MAGI1: variants seen among roughly 807,000 people sequenced by gnomAD.
MAGI1 encodes membrane associated guanylate kinase, WW and PDZ domain containing 1.
A neutral mutation model predicts 139.9 loss-of-function variants in MAGI1; 58 were observed. The ratio of observed to expected loss-of-function variants is 0.41; its 90% confidence interval spans 0.34 to 0.52. The LOEUF is 0.52. Ranked by LOEUF, MAGI1 falls within the 20% of genes least tolerant of loss-of-function variation. The pLI is 0.12. For missense variants in MAGI1, 1,874 were observed against 1,901.6 expected (o/e 0.99, Z 0.27); for synonymous variants, 812 against 737.9 (o/e 1.10, Z -1.63).
chr3:65,629,932 A>G (rs1359864661), intron 1 of MAGI1, among the ~76,000 whole-genome samples: 2 of 152,194 alleles, frequency 1.3e-5, no homozygotes, highest in African/African-American at 4.8e-5. Flanking sequence ...AAAATGGTCA[A>G]CTTTATGTTA....
chr3:65,567,819 C>T lies in MAGI1; in HGVS notation c.430+54153G>A, dbSNP rs188776818. On this transcript the variant is annotated intron_variant, in intron 2 of 22. Coordinates refer to ENST00000402939, the MANE Select transcript of MAGI1 (RefSeq NM_001033057.2). Reference sequence around the variant, plus strand: ...CCACTGCACTCCAGCCTGGGTGACACATGGAGACTCTTTCTCCAAAAACAA... The same window carrying T: ...CCACTGCACTCCAGCCTGGGTGACATATGGAGACTCTTTCTCCAAAAACAA... 7.2e-5 allele frequency among the ~76,000 whole-genome samples: 11 copies of T among 152,102 alleles called. No homozygotes were observed. The East Asian group carries it at 1.9e-3, about 27-fold the overall frequency.
At chr3:66,037,497 T>A (rs1465450295) in intron 1 of MAGI1, among the ~76,000 whole-genome samples, 1 of 152,102 alleles carries the variant, frequency 6.6e-6, no homozygotes, top group Non-Finnish European at 1.5e-5. Flanking sequence ...GGCAGTGGTG[T>A]CCTAGCTCAC....
chr3:65,935,177 A>C (rs1023758688), intron 1 of MAGI1, among the ~76,000 whole-genome samples: 2 of 152,208 alleles, frequency 1.3e-5, no homozygotes, highest in African/African-American at 4.8e-5. Context: ...GCTAGAAAAA[A>C]CAGGCAAGAA....
At chr3:65,507,834 G>C (rs1166531106) in intron 2 of MAGI1, among the ~76,000 whole-genome samples, 1 of 152,028 alleles carries the variant, frequency 6.6e-6, no homozygotes, top group Admixed American at 6.5e-5. Flanking sequence ...AGATAGATGA[G>C]TCATAGAAAT....
intron 2 of MAGI1, among the ~76,000 whole-genome samples, chr3:65,608,016 A>AT (rs1313440045): frequency 6.6e-6 from 1 of 152,258 alleles, no homozygotes; most frequent in Non-Finnish European, 1.5e-5. Flanking sequence ...AGCAGGTATC[A>AT]TTAGCCCCAT....
chr3:65,926,856 G>C lies in MAGI1; in HGVS notation c.313+111140C>G, dbSNP rs146567201. Among the ~76,000 whole-genome samples the C allele has an allele frequency of 1.3e-4, 20 of 152,208 alleles. No homozygotes were observed. The East Asian group carries it at 3.9e-3, about 29-fold the overall frequency. ...ACTAAAAGTACAAAATTTGCTGGGC[G>C]CGGTGGTGCACACCTGTAACCCCAG... On this transcript the variant is annotated intron_variant, in intron 1 of 22. Coordinates refer to ENST00000402939, the MANE Select transcript of MAGI1 (RefSeq NM_001033057.2).
intron 5 of MAGI1, among the ~76,000 whole-genome samples, chr3:65,454,924 A>T (rs1055995749): frequency 6.6e-6 from 1 of 152,162 alleles, no homozygotes; most frequent in African/African-American, 2.4e-5. Context: ...TCCCCATATT[A>T]CAAATGAGAA....
At chr3:65,998,775 G>C (rs2066589924) in intron 1 of MAGI1, among the ~76,000 whole-genome samples, 1 of 151,916 alleles carries the variant, frequency 6.6e-6, no homozygotes, top group Non-Finnish European at 1.5e-5. Context: ...TTTTTACAGG[G>C]TACTATTCCT....
chr3:65,794,707 G>GAAA (rs2040007527), intron 1 of MAGI1, among the ~76,000 whole-genome samples: 1 of 151,656 alleles, frequency 6.6e-6, no homozygotes, highest in African/African-American at 2.4e-5. Flanking sequence ...TCCTCACTCA[G>GAAA]AAAAAAAGAG....
chr3:65,666,722 G>C (rs563364374), intron 1 of MAGI1, among the ~76,000 whole-genome samples: 1 of 152,272 alleles, frequency 6.6e-6, no homozygotes, highest in South Asian at 2.1e-4. Context: ...CATAGAAAAA[G>C]ATGAAACAAC....
At chr3:65,971,592 T>C (rs1278801568) in intron 1 of MAGI1, among the ~76,000 whole-genome samples, 2 of 152,186 alleles carry the variant, frequency 1.3e-5, no homozygotes, top group Non-Finnish European at 2.9e-5. Flanking sequence ...GTCAAGCACA[T>C]GTTTTCACGC....
chr3:65,867,315 A>T (rs747441451), intron 1 of MAGI1, among the ~76,000 whole-genome samples: 2 of 152,162 alleles, frequency 1.3e-5, no homozygotes, highest in Non-Finnish European at 2.9e-5. Context: ...CATTTGTCCA[A>T]TTCCTGGCAC....
At chr3:65,958,886 T>C (rs997938820) in intron 1 of MAGI1, among the ~76,000 whole-genome samples, 4 of 151,654 alleles carry the variant, frequency 2.6e-5, no homozygotes, top group African/African-American at 7.3e-5. Context: ...CCTGGGGAGG[T>C]TGAGGCACGA....
chr3:65,535,901 G>A (rs764143530), intron 2 of MAGI1, among the ~76,000 whole-genome samples: 2 of 152,142 alleles, frequency 1.3e-5, no homozygotes, highest in Non-Finnish European at 2.9e-5. Context: ...GCTGGCTTGA[G>A]TTTAAGGACC....
intron 1 of MAGI1, among the ~76,000 whole-genome samples, chr3:65,775,509 A>C (rs2038331597): frequency 1.3e-5 from 2 of 148,872 alleles, no homozygotes; most frequent in African/African-American, 4.9e-5. Flanking sequence ...TGCCAAAAAA[A>C]AAAAAAAAAA....
intron 1 of MAGI1, among the ~76,000 whole-genome samples, chr3:65,843,324 T>G (rs921329753): frequency 5.3e-5 from 8 of 151,942 alleles, no homozygotes; most frequent in African/African-American, 1.9e-4. Flanking sequence ...GGGAGGAGAT[T>G]CCCCCACCAT....
chr3:65,512,067 A>G (rs1384722687), intron 2 of MAGI1, among the ~76,000 whole-genome samples: 1 of 64,586 alleles, frequency 1.5e-5, no homozygotes, highest in African/African-American at 5.8e-5. Flanking sequence ...TGGGTACATA[A>G]CGAAATGAAG....
intron 1 of MAGI1, among the ~76,000 whole-genome samples, chr3:65,821,916 G>T (rs1418061834): frequency 6.6e-6 from 1 of 152,130 alleles, no homozygotes; most frequent in Non-Finnish European, 1.5e-5. Flanking sequence ...AGACAAATAT[G>T]ATTTTTCAGA....
At chr3:65,658,123 G>A (rs1213308212) in intron 1 of MAGI1, among the ~76,000 whole-genome samples, 1 of 152,158 alleles carries the variant, frequency 6.6e-6, no homozygotes, top group Non-Finnish European at 1.5e-5. Flanking sequence ...TGTGTTCCCT[G>A]GGGGAATGAG....
Sources: gnomAD v4.1 joint callset for allele counts (sites outside exome capture counted in the v4.1 genomes callset) on GRCh38, gnomAD v4.1.1 for gene constraint, MANE v1.5 for transcripts, NCBI Gene and HGNC (gene_info 2026-07-23, HGNC 2026-07-21) for gene names.